The following XPNPEP1 variants were observed in gnomAD, a reference collection of about 807,000 sequenced individuals.
XPNPEP1 encodes xaa-Pro aminopeptidase 1.
In XPNPEP1, 39 loss-of-function variants were observed where a neutral mutation model predicts 92.4. The ratio of observed to expected loss-of-function variants is 0.42; its 90% confidence interval spans 0.33 to 0.55. The LOEUF is 0.55. XPNPEP1 is among the 20% of genes least tolerant of loss of function. The pLI, the probability that XPNPEP1 is intolerant of heterozygous loss-of-function variation, is 0.08. For synonymous variants in XPNPEP1, 307 were observed against 299.4 expected (o/e 1.03, Z -0.26); for missense variants, 654 against 856.1 (o/e 0.76, Z 2.95).
At chr10:109,909,374 T>C (rs3758408) in intron 2 of XPNPEP1, among the ~76,000 whole-genome samples, 84,885 of 152,052 alleles carry the variant, frequency 0.56, 26,190 homozygotes, top group African/African-American at 0.8. Context: ...AAAACCAGAG[T>C]TGGAATCACC....
intron 3 of XPNPEP1, among the ~76,000 whole-genome samples, chr10:109,898,347 C>T (rs1033033264): frequency 9.2e-5 from 14 of 152,216 alleles, no homozygotes; most frequent in African/African-American, 2.9e-4. Context: ...CTATAGCAAA[C>T]ATAAGAAACT....
rs151033444 is a variant in XPNPEP1 at position 109,882,615 on chromosome 10, G to A, written c.858C>T (p.Asp286=). The change falls in exon 10 of 21, where the codon GAC becomes GAT. Residue 286 remains aspartate, a synonymous_variant. Coordinates refer to ENST00000502935, the MANE Select transcript of XPNPEP1 (RefSeq NM_020383.4). ...IMLFIDGDRI[D]APSVKEHLLL... ...GCAGGTGCTCCTTCACACTGGGGGC[G>A]TCTATGCGGTCACCATCAATGAAGA... 3.8e-4 allele frequency: 613 copies of A among 1,614,172 alleles called. 1 individual carries two copies. Among genetic ancestry groups the A allele is most frequent in the African/African-American group, 2.1e-3 (159 of 75,042 alleles).
At chr10:109,877,619 G>A in intron 14 of XPNPEP1, 171 bp downstream of exon 14, 2 of 815,160 alleles carry the variant, frequency 2.5e-6, no homozygotes, top group South Asian at 3.6e-5. Flanking sequence ...GCAGAGGCTT[G>A]GGGATTGGGA....
Position 109,892,976 on chromosome 10 carries a change from A to T in XPNPEP1, c.310+36T>A, listed in dbSNP as rs753047833. 3.4e-5 allele frequency: 55 copies of T among 1,605,600 alleles called. No individual in the cohort carries two copies. The East Asian group carries it at 6.2e-4, about 18-fold the overall frequency. On this transcript the variant is annotated intron_variant, in intron 4 of 20. Coordinates refer to ENST00000502935, the MANE Select transcript of XPNPEP1 (RefSeq NM_020383.4). ...TCAGTTATTTTTAGGAGGCGAACAA[A>T]GGTGCAGCAAGAACAGAGAAAAAGT...
At chr10:109,901,818 T>G (rs1035228405) in intron 3 of XPNPEP1, among the ~76,000 whole-genome samples, 7 of 152,210 alleles carry the variant, frequency 4.6e-5, no homozygotes, top group Non-Finnish European at 7.3e-5. Context: ...ATCAAATATT[T>G]CCAATGAAAA....
At chr10:109,907,662 G>A in intron 3 of XPNPEP1, 29 bp downstream of exon 3, 1 of 1,613,466 alleles carries the variant, frequency 6.2e-7, no homozygotes, top group Non-Finnish European at 8.5e-7. Flanking sequence ...AGACTGAAAA[G>A]AAAGGAGAGG....
At chr10:109,890,876 C>T (rs3780953) in intron 5 of XPNPEP1, among the ~76,000 whole-genome samples, 22,791 of 152,082 alleles carry the variant, frequency 0.15, 2,125 homozygotes, top group East Asian at 0.41. Context: ...CTGTTTCCTG[C>T]TGTGAGTCTG....
intron 19 of XPNPEP1, 81 bp downstream of exon 19, chr10:109,869,872 G>T: frequency 2.9e-6 from 4 of 1,378,362 alleles, no homozygotes; most frequent in Non-Finnish European, 4.1e-6. Flanking sequence ...TTGCGCAGTG[G>T]CAGTATTGTA....
At chr10:109,875,441 G>C (rs914600682) in intron 15 of XPNPEP1, 87 bp downstream of exon 15, 4 of 1,231,974 alleles carry the variant, frequency 3.2e-6, no homozygotes, top group Non-Finnish European at 3.6e-6. Flanking sequence ...ATGACCAGCT[G>C]AGTGCTCTCA....
rs1022638966 is a variant in XPNPEP1 at position 109,914,947 on chromosome 10, G to A, written c.121+64C>T. The A allele has an allele frequency of 9.7e-6, 10 of 1,031,446 alleles. No homozygotes were observed. The East Asian group carries it at 1.7e-4, about 17-fold the overall frequency. The allele number at this position is 1,031,446 out of a possible 1,614,324, so 63.9% of individuals were successfully genotyped here. On this transcript the variant is annotated intron_variant, in intron 2 of 20. Coordinates refer to ENST00000502935, the MANE Select transcript of XPNPEP1 (RefSeq NM_020383.4). ...ACCCTCTTCTTCTCACCCAACCTGG[G>A]GTTGGGGTGGAGATCTAAAATCCTT...
chr10:109,869,715 C>A, intron 19 of XPNPEP1: 1 of 428,006 alleles, frequency 2.3e-6, no homozygotes, highest in Non-Finnish European at 4.3e-6. Context: ...TTCTTTCTGG[C>A]TTTGCAGGGA....
chr10:109,887,975 C>T (rs547250583), intron 7 of XPNPEP1, 74 bp downstream of exon 7: 60 of 1,567,842 alleles, frequency 3.8e-5, no homozygotes, highest in East Asian at 6.9e-5. Flanking sequence ...ATTCGGAGGA[C>T]GAGGCTGGAG....
chr10:109,875,635 A>C, intron 14 of XPNPEP1, 36 bp from the exon 15 acceptor site: 1 of 1,584,634 alleles, frequency 6.3e-7, no homozygotes, highest in Non-Finnish European at 8.6e-7. Flanking sequence ...TATTCCACAA[A>C]TGTAAACACT....
intron 12 of XPNPEP1, 52 bp downstream of exon 12, chr10:109,880,136 G>A: frequency 6.4e-7 from 1 of 1,557,182 alleles, no homozygotes; most frequent in Admixed American, 1.7e-5. Flanking sequence ...ATCACATATA[G>A]GTAGGTCTGA....
Position 109,867,117 on chromosome 10 carries a change from C to T in XPNPEP1, c.1872+1497G>A, listed in dbSNP as rs1419903524. Reference sequence around the variant, plus strand: ...TTGGACTTCCAAGAGTGCGAAATGACTTATTACTGGAAAGCCCCTTGCTAA... The same window carrying T: ...TTGGACTTCCAAGAGTGCGAAATGATTTATTACTGGAAAGCCCCTTGCTAA... On this transcript the variant is annotated intron_variant, in intron 20 of 20. Coordinates refer to ENST00000502935, the MANE Select transcript of XPNPEP1 (RefSeq NM_020383.4). The surrounding 1 kb of genome is among the most constrained non-coding windows in gnomAD (Gnocchi z 4.5). Among the ~76,000 whole-genome samples, 1 of 152,208 alleles carries T rather than the reference C, an allele frequency of 6.6e-6. No homozygotes were observed. Among genetic ancestry groups the T allele is most frequent in the Admixed American group, 6.5e-5 (1 of 15,280 alleles).
rs775422173 is a variant in XPNPEP1, at chr10:109,892,987, GA to G, written c.310+24del. 3 of 1,611,384 alleles carry G rather than the reference GA, an allele frequency of 1.9e-6. No homozygotes were observed. The Admixed American group carries it at 5.0e-5, about 27-fold the overall frequency. The stretch of plus-strand genomic sequence containing the variant: ...TAGGAGGCGAACAAAGGTGCAGCAA[GA>G]ACAGAGAAAAAGTAGTGACTCACCC... On this transcript the variant is annotated intron_variant, in intron 4 of 20. Transcript: ENST00000502935.
chr10:109,919,083 A>T (rs80049756), intron 1 of XPNPEP1, among the ~76,000 whole-genome samples: 1 of 152,250 alleles, frequency 6.6e-6, no homozygotes, highest in Admixed American at 6.5e-5. Flanking sequence ...TGGATTAGGC[A>T]ATGACTTCTT....
At chr10:109,891,895 G>T in intron 4 of XPNPEP1, 69 bp from the exon 5 acceptor site, 1 of 1,496,048 alleles carries the variant, frequency 6.7e-7, no homozygotes, top group Non-Finnish European at 9.2e-7. Flanking sequence ...TGCACAAAAT[G>T]ACAGTAGACA....
intron 16 of XPNPEP1, among the ~76,000 whole-genome samples, chr10:109,872,718 G>A (rs1240810932): frequency 1.3e-5 from 2 of 152,358 alleles, no homozygotes; most frequent in East Asian, 1.9e-4. Context: ...AGCATTTGCT[G>A]AGCAGTGACT....
Sources: allele counts gnomAD v4.1 joint callset (sites outside exome capture counted in the v4.1 genomes callset), GRCh38; gene constraint gnomAD v4.1.1; non-coding constraint Gnocchi (gnomAD v3.1); transcripts MANE v1.5; gene names NCBI Gene and HGNC (gene_info 2026-07-23, HGNC 2026-07-21).